INPP4B: variants seen among roughly 807,000 people sequenced by gnomAD.
INPP4B encodes inositol polyphosphate 4-phosphatase type II.
Under a neutral mutation model 122.5 loss-of-function variants are expected in INPP4B, and 55 were observed. The ratio of observed to expected loss-of-function variants is 0.45; its 90% confidence interval spans 0.36 to 0.56. INPP4B has a LOEUF of 0.56. INPP4B is among the 20% of genes least tolerant of loss of function. The probability of loss-of-function intolerance (pLI) is 0.00; values close to 1 mark genes in which losing one functional copy is unlikely to be tolerated. For missense variants in INPP4B, 1,000 were observed against 1,097.7 expected (o/e 0.91, Z 1.26); for synonymous variants, 403 against 388.7 (o/e 1.04, Z -0.43).
intron 25 of INPP4B, among the ~76,000 whole-genome samples, chr4:142,072,194 G>T (rs1272993169): frequency 1.3e-5 from 2 of 152,106 alleles, no homozygotes; most frequent in African/African-American, 4.8e-5. Flanking sequence ...TAGGGACATG[G>T]ATGAAGCTGG....
chr4:142,410,141 A>G (rs1371472076), intron 5 of INPP4B, among the ~76,000 whole-genome samples: 1 of 152,234 alleles, frequency 6.6e-6, no homozygotes, highest in East Asian at 1.9e-4. Flanking sequence ...AGTCTCAGCA[A>G]TAATCAATTT....
intron 1 of INPP4B, among the ~76,000 whole-genome samples, chr4:142,841,893 T>G (rs773091905): frequency 2.6e-5 from 4 of 151,846 alleles, no homozygotes; most frequent in Non-Finnish European, 5.9e-5. Context: ...GAAAAACAAT[T>G]GAGTAATTTC....
chr4:142,814,737 C>CT (rs1251772000), intron 1 of INPP4B, among the ~76,000 whole-genome samples: 2 of 152,028 alleles, frequency 1.3e-5, no homozygotes, highest in East Asian at 3.9e-4. Context: ...AATAAATATC[C>CT]ATGAGTCCAT....
chr4:142,451,226 T>C (rs1000165858), intron 3 of INPP4B, among the ~76,000 whole-genome samples: 1 of 151,370 alleles, frequency 6.6e-6, no homozygotes, highest in Non-Finnish European at 1.5e-5. Context: ...TGAACATAGT[T>C]TCCCTTTTTT....
chr4:142,101,523 G>A (rs570823221), intron 23 of INPP4B, among the ~76,000 whole-genome samples: 8 of 152,166 alleles, frequency 5.3e-5, no homozygotes, highest in African/African-American at 1.7e-4. Context: ...TCCTTTTCTA[G>A]TACAAGGTAT....
chr4:142,493,180 T>C (rs569869647), intron 2 of INPP4B, among the ~76,000 whole-genome samples: 2 of 152,158 alleles, frequency 1.3e-5, no homozygotes, highest in Non-Finnish European at 2.9e-5. Flanking sequence ...TTTCAGAGGG[T>C]GTATGGAAAT....
At chr4:142,159,115 A>G (rs1346566750) in intron 17 of INPP4B, among the ~76,000 whole-genome samples, 3 of 152,022 alleles carry the variant, frequency 2.0e-5, no homozygotes, top group African/African-American at 7.2e-5. Flanking sequence ...TTGCCTTGGC[A>G]TTTCCAGGAA....
intron 9 of INPP4B, among the ~76,000 whole-genome samples, chr4:142,274,188 T>A (rs751605767): frequency 1.3e-5 from 2 of 151,922 alleles, no homozygotes. Context: ...TTTTACCTTA[T>A]GGAAATTCAT....
At chr4:142,098,701 T>C (rs79709918) in intron 23 of INPP4B, among the ~76,000 whole-genome samples, 1 of 152,058 alleles carries the variant, frequency 6.6e-6, no homozygotes, top group Non-Finnish European at 1.5e-5. Flanking sequence ...AGGTTGAAAT[T>C]AATATAAACG....
At chr4:142,419,425 A>T (rs1255175376) in intron 5 of INPP4B, among the ~76,000 whole-genome samples, 1 of 152,110 alleles carries the variant, frequency 6.6e-6, no homozygotes, top group Non-Finnish European at 1.5e-5. Context: ...ACCTGGGAAT[A>T]CCCGTATGCT....
intron 25 of INPP4B, among the ~76,000 whole-genome samples, chr4:142,065,433 T>C (rs1340448961): frequency 1.3e-5 from 2 of 152,106 alleles, no homozygotes; most frequent in Non-Finnish European, 1.5e-5. Flanking sequence ...CATATGCACA[T>C]ATGCCCCTGT....
At chr4:142,653,875 T>C (rs977242393) in intron 2 of INPP4B, among the ~76,000 whole-genome samples, 3 of 152,180 alleles carry the variant, frequency 2.0e-5, no homozygotes, top group South Asian at 2.1e-4. Flanking sequence ...CCTGGGTATA[T>C]ACCCAAAGGA....
At chr4:142,061,939 T>TATATA (rs1560980830) in intron 25 of INPP4B, among the ~76,000 whole-genome samples, 4 of 104,912 alleles carry the variant, frequency 3.8e-5, no homozygotes, top group African/African-American at 1.2e-4. Flanking sequence ...TATATATATA[T>TATATA]ATCTGTAACT....
chr4:142,305,413 C>T (rs1160445191), intron 9 of INPP4B, 45 bp downstream of exon 9: 3 of 1,414,082 alleles, frequency 2.1e-6, no homozygotes, highest in African/African-American at 1.4e-5. Context: ...ATAAATATCA[C>T]TTGTTATTAA....
chr4:142,309,941 T>TC (rs1660156238), intron 8 of INPP4B, among the ~76,000 whole-genome samples: 3 of 152,118 alleles, frequency 2.0e-5, no homozygotes, highest in Admixed American at 6.6e-5. Flanking sequence ...CTGCAGCCAC[T>TC]CCGAGCAAGT....
intron 15 of INPP4B, among the ~76,000 whole-genome samples, chr4:142,190,737 TGTGTGTGTGC>T (rs1436986596): frequency 2.8e-5 from 4 of 145,434 alleles, no homozygotes; most frequent in African/African-American, 1.0e-4. Flanking sequence ...TGTGTGTGTG[TGTGTGTGTGC>T]GCGTGTGTGT....
chr4:142,546,930 T>C (rs1473691656), intron 2 of INPP4B, among the ~76,000 whole-genome samples: 1 of 152,104 alleles, frequency 6.6e-6, no homozygotes, highest in Non-Finnish European at 1.5e-5. Context: ...AACTTTACCA[T>C]CCAGATGTAA....
intron 7 of INPP4B, among the ~76,000 whole-genome samples, chr4:142,392,578 G>T (rs1396058016): frequency 6.6e-6 from 1 of 150,452 alleles, no homozygotes; most frequent in African/African-American, 2.4e-5. Flanking sequence ...ACATTGCCAG[G>T]AGGCTTTCAC....
At chr4:142,450,622 AC>A (rs1293034447) in intron 3 of INPP4B, among the ~76,000 whole-genome samples, 12 of 152,342 alleles carry the variant, frequency 7.9e-5, no homozygotes. Flanking sequence ...TTTTCTGAGG[AC>A]GTTTATGTGC....
Sources: gnomAD v4.1 joint callset for allele counts (sites outside exome capture counted in the v4.1 genomes callset) on GRCh38, gnomAD v4.1.1 for gene constraint, MANE v1.5 for transcripts, NCBI Gene and HGNC (gene_info 2026-07-23, HGNC 2026-07-21) for gene names.